Variants in PEX26 observed in about 807,000 individuals in gnomAD.
The protein encoded by PEX26 is peroxisome assembly protein 26.
A neutral mutation model predicts 31.4 loss-of-function variants in PEX26; 18 were observed. The ratio of observed to expected loss-of-function variants is 0.57; its 90% CI spans 0.40 to 0.85. The LOEUF (loss-of-function observed/expected upper bound fraction) is 0.85. Ranked by LOEUF, PEX26 falls within the 40% of genes least tolerant of loss-of-function variation. The probability of loss-of-function intolerance (pLI) is 0.00; values close to 1 mark genes in which losing one functional copy is unlikely to be tolerated. For synonymous variants in PEX26, 176 were observed against 166.9 expected (o/e 1.05, Z -0.42); for missense variants, 377 against 383.9 (o/e 0.98, Z 0.15).
chr22:18,083,783 A>G (rs1265293692), intron 3 of PEX26, 51 bp downstream of exon 3: 31 of 1,564,684 alleles, frequency 2.0e-5, no homozygotes, highest in Non-Finnish European at 2.5e-5. Flanking sequence ...GCGGGCTTGC[A>G]CTGTACCTCG....
In PEX26 at chr22:18,079,573, G is replaced by A. The variant is rs465633; in HGVS notation, c.231-301G>A. Among the ~76,000 whole-genome samples, 491 of 152,294 alleles carry A rather than the reference G, an allele frequency of 3.2e-3. 3 individuals are homozygous for A. Among genetic ancestry groups the A allele is most frequent in the African/African-American group, 0.011 (470 of 41,552 alleles). On this transcript the variant is annotated intron_variant, in intron 1 of 4. Transcript: ENST00000399744. Reference sequence around the variant, plus strand: ...CTCTTTTCAGCCACACACCGGTGCTGTGTGTTATTTCCCCCTCAGGATTAC... The same window carrying A: ...CTCTTTTCAGCCACACACCGGTGCTATGTGTTATTTCCCCCTCAGGATTAC...
chr22:18,084,820 T>C (rs1001395285), intron 3 of PEX26, among the ~76,000 whole-genome samples: 3 of 151,914 alleles, frequency 2.0e-5, no homozygotes, highest in African/African-American at 7.3e-5. Context: ...CCTCCCAGAT[T>C]CAAGTGATTC....
chr22:18,087,481 G>A lies in PEX26; in HGVS notation c.815-491G>A, dbSNP rs534914074. ...TCTGTTTGCTTTACAAAGAAGTCAC[G>A]AGTTAGCGCTCGGAATGCTCAGTAT... On this transcript the variant is annotated intron_variant, in intron 4 of 4. Coordinates refer to ENST00000399744, the MANE Select transcript of PEX26 (RefSeq NM_001127649.3). Among the ~76,000 whole-genome samples, 3 of 152,350 alleles carry A rather than the reference G, an allele frequency of 2.0e-5. No homozygotes were observed. In the East Asian group the frequency reaches 5.8e-4, roughly 29 times the overall value.
In PEX26 at chr22:18,093,200, T is replaced by TG. The variant is rs1235951981; in HGVS notation, c.*5126dup. The TG allele has an allele frequency of 6.6e-6, 1 of 152,154 alleles. No homozygotes were observed. Among genetic ancestry groups the TG allele is most frequent in the Non-Finnish European group, 1.5e-5 (1 of 68,026 alleles). 9.4% of individuals were successfully genotyped at this position (152,154 alleles called of 1,614,324 possible). A position where few individuals can be genotyped will look rare whatever the true frequency, so the allele number is the denominator to read the frequency against. ...ATCACACGATTCTACCAATGCATGTTGCATCTATAATTCACGAACATGGTC... is the reference window on the plus strand; with the variant it reads ...ATCACACGATTCTACCAATGCATGTTGGCATCTATAATTCACGAACATGGTC... On this transcript the variant is annotated 3_prime_UTR_variant, in exon 5 of 5. Transcript: ENST00000399744.
Position 18,098,892 on chromosome 22 carries a change from A to C in PEX26, c.*10817A>C. On this transcript the variant is annotated 3_prime_UTR_variant, in exon 5 of 5. Transcript: ENST00000399744. Reference sequence around the variant, plus strand: ...TGGCTACATAGATATGGATGTTTGCATATAGGCACATTTAGCTGGATTAAG... The same window carrying C: ...TGGCTACATAGATATGGATGTTTGCCTATAGGCACATTTAGCTGGATTAAG... The C allele has an allele frequency of 6.6e-6, 1 of 152,192 alleles. No homozygotes were observed. The highest frequency in any genetic ancestry group is 2.4e-5 in the African/African-American group (1 of 41,454). 9.4% of individuals were successfully genotyped at this position (152,192 alleles called of 1,614,324 possible). A position where few individuals can be genotyped will look rare whatever the true frequency, so the allele number is the denominator to read the frequency against.
rs991450586 is a variant in PEX26, at chr22:18,078,077, G to C, written c.-300G>C. 2 of 570,028 alleles carry C rather than the reference G, an allele frequency of 3.5e-6. No individual in the cohort carries two copies. Among genetic ancestry groups the C allele is most frequent in the African/African-American group, 3.7e-5 (2 of 54,030 alleles). The allele number at this position is 570,028 out of a possible 1,614,324, so 35.3% of individuals were successfully genotyped here. On this transcript the variant is annotated 5_prime_UTR_variant, in exon 1 of 5. Transcript: ENST00000399744. ...GTCTTTGATCGTAACCAGGAGCCCG[G>C]AGCTGAGGCAGTTCCTGCACGTGTC...
At position 18,104,834 on chromosome 22, in the gene PEX26, GC is replaced by G. The variant is rs1927569951; in HGVS notation, c.*16760del. The stretch of plus-strand genomic sequence containing the variant: ...CTTTGGTGATCTCTTGATTGCGGCT[GC>G]TGCAGCCATGTAAACCTTAAAGGCG... On this transcript the variant is annotated 3_prime_UTR_variant, in exon 5 of 5. Transcript: ENST00000399744. 1 of 152,144 alleles carries G rather than the reference GC, an allele frequency of 6.6e-6. No homozygotes were observed. 9.4% of individuals were successfully genotyped at this position (152,144 alleles called of 1,614,324 possible).
intron 2 of PEX26, chr22:18,081,803 A>C (rs1476437588): frequency 4.6e-5 from 7 of 153,604 alleles, no homozygotes; most frequent in African/African-American, 1.7e-4. Flanking sequence ...TGTTTTCCAT[A>C]ATGGCTGTAC....
Position 18,090,882 on chromosome 22 carries a change from T to G in PEX26, c.*2807T>G. ...AGTGCCTGGGGGTGGGGGCGGAGGG[T>G]TCGCCTCTAGGAAGGGGCTAGAAGG... On this transcript the variant is annotated 3_prime_UTR_variant, in exon 5 of 5. Transcript: ENST00000399744. 6.6e-6 allele frequency: 1 copy of G among 151,666 alleles called. No individual in the cohort carries two copies. Among genetic ancestry groups the G allele is most frequent in the East Asian group, 1.9e-4 (1 of 5,176 alleles). The allele number at this position is 151,666 out of a possible 1,614,324, so 9.4% of individuals were successfully genotyped here.
chr22:18,085,075 T>A, intron 3 of PEX26, 37 bp from the exon 4 acceptor site: 1 of 1,611,752 alleles, frequency 6.2e-7, no homozygotes, highest in Non-Finnish European at 8.5e-7. Flanking sequence ...CTGATTCCCA[T>A]GACATCCCTG....
rs1311075277 is a variant in PEX26 at position 18,089,774 on chromosome 22, T to A, written c.*1699T>A. On this transcript the variant is annotated 3_prime_UTR_variant, in exon 5 of 5. Coordinates refer to ENST00000399744, the MANE Select transcript of PEX26 (RefSeq NM_001127649.3). ...TGGAGTGCAGTGGCGTGATCTCAGC[T>A]CACTGCAAGCTCCGCCTCCCGGGTT... 2 of 152,276 alleles carry A rather than the reference T, an allele frequency of 1.3e-5. No homozygotes were observed. Among genetic ancestry groups the A allele is most frequent in the Non-Finnish European group, 2.9e-5 (2 of 68,096 alleles). 9.4% of individuals were successfully genotyped at this position (152,276 alleles called of 1,614,324 possible). A position where few individuals can be genotyped will look rare whatever the true frequency, so the allele number is the denominator to read the frequency against.
chr22:18,095,582 T>G lies in PEX26; in HGVS notation c.*7507T>G. 6.6e-6 allele frequency: 1 copy of G among 152,240 alleles called. No homozygotes were observed. Among genetic ancestry groups the G allele is most frequent in the East Asian group, 1.9e-4 (1 of 5,198 alleles). The allele number at this position is 152,240 out of a possible 1,614,324, so 9.4% of individuals were successfully genotyped here. A position where few individuals can be genotyped will look rare whatever the true frequency, so the allele number is the denominator to read the frequency against. On this transcript the variant is annotated 3_prime_UTR_variant, in exon 5 of 5. Transcript: ENST00000399744. Reference sequence around the variant, plus strand: ...CTCCCCTTTTAGTACTTGTTTGTGTTCTGTCCTGTTCCTGGATTTCATGGT... The same window carrying G: ...CTCCCCTTTTAGTACTTGTTTGTGTGCTGTCCTGTTCCTGGATTTCATGGT...
chr22:18,096,519 T>A lies in PEX26; in HGVS notation c.*8444T>A. The A allele has an allele frequency of 6.6e-6, 1 of 151,876 alleles. No individual in the cohort carries two copies. Among genetic ancestry groups the A allele is most frequent in the Non-Finnish European group, 1.5e-5 (1 of 68,018 alleles). 9.4% of individuals were successfully genotyped at this position (151,876 alleles called of 1,614,324 possible). A position where few individuals can be genotyped will look rare whatever the true frequency, so the allele number is the denominator to read the frequency against. ...CTGCAAGCTCTGCCTCCCAGGTTCA[T>A]GCCATTCTTCTGCCTCAGCCTCCCG... On this transcript the variant is annotated 3_prime_UTR_variant, in exon 5 of 5. Transcript: ENST00000399744.
chr22:18,080,054 C>T (rs369297563), intron 2 of PEX26, 40 bp downstream of exon 2: 27 of 1,610,042 alleles, frequency 1.7e-5, no homozygotes, highest in African/African-American at 4.0e-5. Flanking sequence ...GGTTCAGAAA[C>T]GAGAGGATTT....
At chr22:18,081,518 G>T in intron 2 of PEX26, 1 of 154,476 alleles carries the variant, frequency 6.5e-6, no homozygotes, top group South Asian at 1.7e-4. Context: ...GAAGACACAG[G>T]ACCTGGTAGG....
chr22:18,084,500 C>G (rs560800746), intron 3 of PEX26, among the ~76,000 whole-genome samples: 1 of 152,142 alleles, frequency 6.6e-6, no homozygotes, highest in South Asian at 2.1e-4. Context: ...GCCTTGGCCT[C>G]CCAAAGTGCT....
Position 18,084,237 on chromosome 22 carries a change from C to CTTTTTTTT in PEX26, c.667+519_667+526dup, listed in dbSNP as rs362041. Among the ~76,000 whole-genome samples the CTTTTTTTT allele has an allele frequency of 5.2e-5, 5 of 95,328 alleles. 1 individual carries two copies. The highest frequency in any genetic ancestry group is 6.3e-5 in the Non-Finnish European group (3 of 47,420). 62.5% of individuals were successfully genotyped at this position (95,328 alleles called of 152,430 possible). On this transcript the variant is annotated intron_variant, in intron 3 of 4. Coordinates refer to ENST00000399744, the MANE Select transcript of PEX26 (RefSeq NM_001127649.3). ...GGACAGAAAGTCACCATCTCTCTCT[C>CTTTTTTTT]TTTTTTTTTTTTTTTTTTTTTGTTT...
At position 18,095,345 on chromosome 22, in the gene PEX26, A is replaced by T. The variant is rs559313908; in HGVS notation, c.*7270A>T. The T allele has an allele frequency of 3.0e-4, 46 of 152,274 alleles. No individual in the cohort carries two copies. The highest frequency in any genetic ancestry group is 1.1e-3 in the African/African-American group (44 of 41,556). 9.4% of individuals were successfully genotyped at this position (152,274 alleles called of 1,614,324 possible). A position where few individuals can be genotyped will look rare whatever the true frequency, so the allele number is the denominator to read the frequency against. On this transcript the variant is annotated 3_prime_UTR_variant, in exon 5 of 5. Coordinates refer to ENST00000399744, the MANE Select transcript of PEX26 (RefSeq NM_001127649.3). ...AAATACAAGCTGGTAGTTTCATTGGATGACTCACACAGATAAGCCATGCTC... is the reference window on the plus strand; with the variant it reads ...AAATACAAGCTGGTAGTTTCATTGGTTGACTCACACAGATAAGCCATGCTC...
rs1926947337 is a variant in PEX26, at chr22:18,088,637, G to A, written c.*562G>A. On this transcript the variant is annotated 3_prime_UTR_variant, in exon 5 of 5. Coordinates refer to ENST00000399744, the MANE Select transcript of PEX26 (RefSeq NM_001127649.3). The surrounding 1 kb of genome is among the most constrained non-coding windows in gnomAD (Gnocchi z 4.1). The stretch of plus-strand genomic sequence containing the variant: ...CTACTAAAAATACAAAAATTAGCTA[G>A]ATGTGGTGCACGCCTATAGTCCTAG... The A allele has an allele frequency of 4.8e-6, 1 of 210,502 alleles. No homozygotes were observed. The highest frequency in any genetic ancestry group is 2.3e-5 in the African/African-American group (1 of 43,396). The allele number at this position is 210,502 out of a possible 1,614,324, so 13.0% of individuals were successfully genotyped here.
Sources: allele counts gnomAD v4.1 joint callset (sites outside exome capture counted in the v4.1 genomes callset), GRCh38; gene constraint gnomAD v4.1.1; non-coding constraint Gnocchi (gnomAD v3.1); transcripts MANE v1.5; gene names NCBI Gene and HGNC (gene_info 2026-07-23, HGNC 2026-07-21).